Variants in FGF12 observed in about 807,000 individuals in gnomAD.
The protein encoded by FGF12 is fibroblast growth factor 12.
Under a neutral mutation model 23.6 loss-of-function variants are expected in FGF12, and 14 were observed. That is an observed-to-expected ratio of 0.59 (90% CI 0.39 to 0.93). The LOEUF is 0.93. FGF12 is among the 40% of genes least tolerant of loss of function. The pLI is 0.00. For missense variants in FGF12, 175 were observed against 217.8 expected (o/e 0.80, Z 1.24); for synonymous variants, 62 against 77.3 (o/e 0.80, Z 1.04).
chr3:192,614,106 G>A (rs979146245), intron 2 of FGF12, among the ~76,000 whole-genome samples: 1 of 151,854 alleles, frequency 6.6e-6, no homozygotes, highest in Non-Finnish European at 1.5e-5. Flanking sequence ...AGTATGAGGG[G>A]TGAAAACGTG....
intron 4 of FGF12, among the ~76,000 whole-genome samples, chr3:192,308,937 G>A (rs1715797389): frequency 6.6e-6 from 1 of 152,084 alleles, no homozygotes. Context: ...CTTTTCCTAT[G>A]AGACAATAAG....
intron 2 of FGF12, among the ~76,000 whole-genome samples, chr3:192,366,362 A>G (rs1490719668): frequency 2.0e-5 from 3 of 152,208 alleles, no homozygotes; most frequent in Non-Finnish European, 1.5e-5. Flanking sequence ...GGTTCTGCAT[A>G]TAAACTCCAA....
intron 2 of FGF12, among the ~76,000 whole-genome samples, chr3:192,405,637 A>G (rs1720926677): frequency 6.7e-6 from 1 of 150,346 alleles, no homozygotes. Flanking sequence ...TACAACATCA[A>G]AGTGATTATA....
intron 2 of FGF12, among the ~76,000 whole-genome samples, chr3:192,379,201 C>A (rs1453624226): frequency 6.6e-6 from 1 of 152,052 alleles, no homozygotes; most frequent in Non-Finnish European, 1.5e-5. Context: ...TTGTGAATTG[C>A]AAAAGCAGTT....
intron 5 of FGF12, among the ~76,000 whole-genome samples, chr3:192,169,461 CA>C (rs1363644339): frequency 1.3e-5 from 2 of 152,176 alleles, no homozygotes; most frequent in East Asian, 3.8e-4. Flanking sequence ...TATCACATTT[CA>C]TCCAGTGCTT....
chr3:192,282,736 T>G (rs934733859), intron 4 of FGF12: 1 of 149,388 alleles, frequency 6.7e-6, no homozygotes, highest in African/African-American at 2.5e-5. Context: ...TATAACAATA[T>G]GACCTCGAAT....
At chr3:192,664,203 T>C (rs145280483) in intron 2 of FGF12, among the ~76,000 whole-genome samples, 5 of 152,302 alleles carry the variant, frequency 3.3e-5, no homozygotes, top group African/African-American at 9.6e-5. Context: ...TATAAAAAGA[T>C]ACCTTAATAA....
chr3:192,299,511 G>A (rs1026652678), intron 4 of FGF12, among the ~76,000 whole-genome samples: 3 of 152,064 alleles, frequency 2.0e-5, no homozygotes, highest in Non-Finnish European at 2.9e-5. Flanking sequence ...AGTCTCTTTT[G>A]AATAAAAGGC....
intron 2 of FGF12, among the ~76,000 whole-genome samples, chr3:192,456,807 T>A (rs1722695271): frequency 6.6e-6 from 1 of 152,200 alleles, no homozygotes. Context: ...GGTAGTACTA[T>A]GAGAATGTAT....
At chr3:192,599,743 C>CAGCTG (rs1714029887) in intron 2 of FGF12, among the ~76,000 whole-genome samples, 1 of 151,834 alleles carries the variant, frequency 6.6e-6, no homozygotes, top group Admixed American at 6.6e-5. Flanking sequence ...TGCTTTCATG[C>CAGCTG]AGCTGTCATT....
At chr3:192,553,094 C>T (rs369459954) in intron 2 of FGF12, among the ~76,000 whole-genome samples, 121 of 152,038 alleles carry the variant, frequency 8.0e-4, no homozygotes, top group African/African-American at 2.7e-3. Context: ...AGTAAAAATA[C>T]GCTATAATAA....
chr3:192,325,273 A>G (rs77878245), intron 4 of FGF12, among the ~76,000 whole-genome samples: 7,446 of 152,240 alleles, frequency 0.049, 525 homozygotes, highest in African/African-American at 0.16. Context: ...TCCTTTTCCA[A>G]GTGCTATACC....
rs1326856136 is a variant in FGF12 at position 192,170,454 on chromosome 3, A to C, written c.427+4T>G. ...CCAACAAAGACAGTCAGTTGGTTTCATACCTTCAATAGGTTTCGGTACAAA... is the reference window on the plus strand; with the variant it reads ...CCAACAAAGACAGTCAGTTGGTTTCCTACCTTCAATAGGTTTCGGTACAAA... On this transcript the variant is annotated splice_donor_region_variant and intron_variant, in intron 5 of 5. Coordinates refer to ENST00000445105, the MANE Select transcript of FGF12 (RefSeq NM_004113.6). 1 of 1,613,376 alleles carries C rather than the reference A, an allele frequency of 6.2e-7. No individual in the cohort carries two copies. Among genetic ancestry groups the C allele is most frequent in the South Asian group, 1.1e-5 (1 of 91,024 alleles).
chr3:192,402,086 A>C (rs1720783337), intron 2 of FGF12, among the ~76,000 whole-genome samples: 1 of 152,256 alleles, frequency 6.6e-6, no homozygotes, highest in South Asian at 2.1e-4. Context: ...AAGTCCAGGT[A>C]CTTAATCATT....
chr3:192,626,669 G>C (rs1715180987), intron 2 of FGF12, among the ~76,000 whole-genome samples: 1 of 152,182 alleles, frequency 6.6e-6, no homozygotes, highest in Non-Finnish European at 1.5e-5. Flanking sequence ...CTGAAGTGCA[G>C]TGGTGCTATC....
intron 4 of FGF12, among the ~76,000 whole-genome samples, chr3:192,213,797 T>C (rs1560195033): frequency 6.6e-6 from 1 of 152,234 alleles, no homozygotes; most frequent in Non-Finnish European, 1.5e-5. Context: ...AAATTGTTCC[T>C]TATTTCATGT....
chr3:192,609,914 A>T (rs1225793510), intron 2 of FGF12, among the ~76,000 whole-genome samples: 1 of 152,066 alleles, frequency 6.6e-6, no homozygotes, highest in East Asian at 1.9e-4. Flanking sequence ...ATATAATTTG[A>T]TTTGTACCTG....
chr3:192,247,840 T>C (rs1321658853), intron 4 of FGF12, among the ~76,000 whole-genome samples: 1 of 152,158 alleles, frequency 6.6e-6, no homozygotes, highest in Non-Finnish European at 1.5e-5. Context: ...ATATTGAAAA[T>C]GAAAAGTATT....
At chr3:192,204,492 G>T (rs1717540244) in intron 4 of FGF12, among the ~76,000 whole-genome samples, 1 of 152,178 alleles carries the variant, frequency 6.6e-6, no homozygotes, top group South Asian at 2.1e-4. Flanking sequence ...ATTGTAAAGT[G>T]CCACAATCCA....
Sources: gnomAD v4.1 joint callset for allele counts (sites outside exome capture counted in the v4.1 genomes callset) on GRCh38, gnomAD v4.1.1 for gene constraint, MANE v1.5 for transcripts, NCBI Gene and HGNC (gene_info 2026-07-23, HGNC 2026-07-21) for gene names.